TRIM14: variants seen among roughly 807,000 people sequenced by gnomAD.
The protein encoded by TRIM14 is tripartite motif containing 14.
Under a neutral mutation model 44.5 loss-of-function variants are expected in TRIM14, and 28 were observed. That is an observed-to-expected ratio of 0.63 (90% CI 0.47 to 0.86). TRIM14 has a LOEUF of 0.86. TRIM14 is among the 40% of genes least tolerant of loss of function. TRIM14 has a pLI of 0.00. For missense variants in TRIM14, 607 were observed against 611.1 expected, an observed-to-expected ratio of 0.99 and a Z score of 0.07; for synonymous variants, 299 against 269.2, an observed-to-expected ratio of 1.11 and a Z score of -1.08.
chr9:98,066,065 A>C (rs1829138424), downstream of TRIM14, among the ~76,000 whole-genome samples: 2 of 152,134 alleles, frequency 1.3e-5, no homozygotes, highest in Admixed American at 6.6e-5. Flanking sequence ...TAGTTTTGTC[A>C]TCCCTCCTCC....
the TRIM14 span, among the ~76,000 whole-genome samples, chr9:98,048,622 T>C: frequency 6.6e-6 from 1 of 152,238 alleles, no homozygotes; most frequent in African/African-American, 2.4e-5. Context: ...TGAAGATTAT[T>C]GGTAAAATAA....
chr9:98,092,715 A>G (rs535511682), intron 4 of TRIM14, among the ~76,000 whole-genome samples: 1 of 152,236 alleles, frequency 6.6e-6, no homozygotes, highest in Non-Finnish European at 1.5e-5. Flanking sequence ...CCAATCACCA[A>G]GTTTTGGCCA....
chr9:98,080,659 TC>T (rs1247651199), downstream of TRIM14, among the ~76,000 whole-genome samples: 1 of 152,234 alleles, frequency 6.6e-6, no homozygotes, highest in Non-Finnish European at 1.5e-5. Flanking sequence ...ATTATTATCA[TC>T]CCTAGGAAAG....
chr9:98,107,317 C>T (rs1826652830), intron 2 of TRIM14, among the ~76,000 whole-genome samples: 1 of 152,184 alleles, frequency 6.6e-6, no homozygotes, highest in Non-Finnish European at 1.5e-5. Flanking sequence ...AAACTTATGT[C>T]CGCACAGAAA....
At chr9:98,089,488 C>G (rs1332527601) in intron 5 of TRIM14, among the ~76,000 whole-genome samples, 1 of 152,160 alleles carries the variant, frequency 6.6e-6, no homozygotes, top group Non-Finnish European at 1.5e-5. Context: ...CTACTTAGCT[C>G]TTTAGAAATG....
At chr9:98,092,931 G>A (rs375479689) in intron 4 of TRIM14, among the ~76,000 whole-genome samples, 1 of 152,074 alleles carries the variant, frequency 6.6e-6, no homozygotes, top group African/African-American at 2.4e-5. Flanking sequence ...ATCGTTCATT[G>A]CTCATTTAAA....
At chr9:98,110,472 C>T (rs1672593536) in intron 1 of TRIM14, among the ~76,000 whole-genome samples, 1 of 152,130 alleles carries the variant, frequency 6.6e-6, no homozygotes, top group Non-Finnish European at 1.5e-5. Flanking sequence ...CTCTTCCCAC[C>T]TTCCATATCT....
intron 5 of TRIM14, among the ~76,000 whole-genome samples, chr9:98,091,318 A>T (rs746278377): frequency 6.6e-6 from 1 of 152,168 alleles, no homozygotes; most frequent in Non-Finnish European, 1.5e-5. Context: ...TTAGCTGGGC[A>T]TGGTGGCACA....
chr9:98,065,388 C>T (rs1174467334), downstream of TRIM14, among the ~76,000 whole-genome samples: 2 of 142,940 alleles, frequency 1.4e-5, no homozygotes, highest in African/African-American at 2.7e-5. Flanking sequence ...GCAATCTCGG[C>T]TCACTGCGAC....
intron 6 of TRIM14, chr9:98,075,824 G>T (rs1778413529): frequency 6.6e-6 from 1 of 152,106 alleles, no homozygotes; most frequent in African/African-American, 2.4e-5. Flanking sequence ...GCAGTTTTTA[G>T]TATATCAATT....
chr9:98,071,251 T>C (rs996051168), intron 6 of TRIM14, among the ~76,000 whole-genome samples: 1 of 152,244 alleles, frequency 6.6e-6, no homozygotes, highest in Non-Finnish European at 1.5e-5. Context: ...AGCTGTATGG[T>C]ACATACCCCC....
chr9:98,104,962 C>A (rs539648788), intron 2 of TRIM14, among the ~76,000 whole-genome samples: 31 of 152,278 alleles, frequency 2.0e-4, no homozygotes, highest in African/African-American at 7.0e-4. Context: ...CTTGCCCAGA[C>A]CACGTTAGCA....
At chr9:98,067,085 C>T (rs1829170410), downstream of TRIM14, among the ~76,000 whole-genome samples, 1 of 152,102 alleles carries the variant, frequency 6.6e-6, no homozygotes, top group South Asian at 2.1e-4. Context: ...TATATCAGTA[C>T]TTCATTTCTT....
In TRIM14 at chr9:98,076,920, G is replaced by A. The variant is rs143387431; in HGVS notation, c.*29-7233C>T. The A allele has an allele frequency of 2.3e-3, 3,666 of 1,608,290 alleles. 7 individuals are homozygous for A. The highest frequency in any genetic ancestry group is 2.8e-3 in the Non-Finnish European group (3,353 of 1,177,466). On this transcript the variant is annotated intron_variant, in intron 6 of 6. Coordinates refer to the TRIM14 transcript ENST00000375098. ...AGCTCCCTCTTTGATTTTTGTAGAT[G>A]GCAGTTGAATTCCTGCATGAACTGA... is the stretch of plus-strand genomic sequence containing the variant.
the TRIM14 span, among the ~76,000 whole-genome samples, chr9:98,045,623 C>T: frequency 6.6e-5 from 10 of 152,190 alleles, no homozygotes; most frequent in Non-Finnish European, 1.5e-4. Context: ...TGAGCCTAGC[C>T]TGGCTCAAAA....
rs1390642037 is a variant in TRIM14 at position 98,088,012 on chromosome 9, G to T, written c.794-7C>A. The stretch of plus-strand genomic sequence containing the variant: ...AGCGTGGGCGTGCGCGCGTCTGCAG[G>T]GGGCGAGACAAGGGACGCACCTGGT... On this transcript the variant is annotated splice_region_variant and splice_polypyrimidine_tract_variant and intron_variant, in intron 5 of 5. Transcript: ENST00000341469. The T allele has an allele frequency of 2.6e-6, 4 of 1,513,948 alleles. No individual in the cohort carries two copies. In the Admixed American group the frequency reaches 6.5e-5, roughly 25 times the overall value. 93.8% of individuals were successfully genotyped at this position (1,513,948 alleles called of 1,614,324 possible). A position where few individuals can be genotyped will look rare whatever the true frequency, so the allele number is the denominator to read the frequency against.
At chr9:98,092,514 T>C (rs148554863) in intron 4 of TRIM14, 5,720 of 431,322 alleles carry the variant, frequency 0.013, 58 homozygotes, top group Non-Finnish European at 0.021. Flanking sequence ...AGAAGTGCCT[T>C]CCGCCCCCAT....
At chr9:98,090,028 T>C (rs1170483649) in intron 5 of TRIM14, among the ~76,000 whole-genome samples, 2 of 152,242 alleles carry the variant, frequency 1.3e-5, no homozygotes, top group Non-Finnish European at 2.9e-5. Flanking sequence ...TTCACATATG[T>C]ATGCATTTCT....
intron 3 of TRIM14, among the ~76,000 whole-genome samples, chr9:98,098,566 G>T (rs1206378466): frequency 1.3e-4 from 20 of 152,080 alleles, no homozygotes; most frequent in Non-Finnish European, 1.0e-4. Context: ...CAAAAAATTA[G>T]CTGGGCGTGG....
Sources: gnomAD v4.1 joint callset for allele counts (sites outside exome capture counted in the v4.1 genomes callset) on GRCh38, gnomAD v4.1.1 for gene constraint, MANE v1.5 for transcripts, NCBI Gene and HGNC (gene_info 2026-07-23, HGNC 2026-07-21) for gene names.